SNTG1: variants seen among roughly 807,000 people sequenced by gnomAD.
SNTG1 encodes the protein gamma-1-syntrophin.
A neutral mutation model predicts 74.7 loss-of-function variants in SNTG1; 39 were observed. The observed-to-expected ratio is 0.52, with a 90% CI of 0.40 to 0.68. The LOEUF (loss-of-function observed/expected upper bound fraction) is 0.68, where lower values mean the gene tolerates loss of function less well. Ranked by LOEUF, SNTG1 falls within the 30% of genes least tolerant of loss-of-function variation. The pLI is 0.00. For synonymous variants in SNTG1, 254 were observed against 217.1 expected, an observed-to-expected ratio of 1.17 and a Z score of -1.49; for missense variants, 685 against 609.5, an observed-to-expected ratio of 1.12 and a Z score of -1.30.
At chr8:50,269,574 C>A (rs940148582) in intron 2 of SNTG1, among the ~76,000 whole-genome samples, 1 of 152,052 alleles carries the variant, frequency 6.6e-6, no homozygotes, top group African/African-American at 2.4e-5. Flanking sequence ...TATGTGCCAG[C>A]AAAATTGCGT....
intron 1 of SNTG1, among the ~76,000 whole-genome samples, chr8:50,003,759 A>G: frequency 6.6e-6 from 1 of 152,106 alleles, no homozygotes; most frequent in East Asian, 1.9e-4. Context: ...CTCTAGGGGG[A>G]ATAAAAATGA....
intron 8 of SNTG1, among the ~76,000 whole-genome samples, chr8:50,468,478 G>A (rs913597035): frequency 4.6e-5 from 7 of 152,026 alleles, no homozygotes; most frequent in African/African-American, 1.4e-4. Context: ...CTTCATTAAT[G>A]TTAGCAAAGT....
chr8:50,762,651 T>C (rs2095602294), intron 18 of SNTG1: 2 of 457,478 alleles, frequency 4.4e-6, no homozygotes, highest in Non-Finnish European at 4.4e-6. Context: ...TTAGCATCTG[T>C]GTAAGAGAAT....
At position 50,372,924 on chromosome 8, in the gene SNTG1, A is replaced by G. The variant is rs1423561446; in HGVS notation, c.-27-21288A>G. Among the ~76,000 whole-genome samples, 3 of 152,222 alleles carry G rather than the reference A, an allele frequency of 2.0e-5. No individual in the cohort carries two copies. In the East Asian group the frequency reaches 5.8e-4, roughly 29 times the overall value. Reference sequence around the variant, plus strand: ...GTTTCCAAGAGACAGTTGGTAAACAAAACACCTGCTTTAGAAGTTATCTGT... The same window carrying G: ...GTTTCCAAGAGACAGTTGGTAAACAGAACACCTGCTTTAGAAGTTATCTGT... On this transcript the variant is annotated intron_variant, in intron 2 of 18. Coordinates refer to ENST00000642720, the MANE Select transcript of SNTG1 (RefSeq NM_018967.5).
At position 50,690,444 on chromosome 8, in the gene SNTG1, T is replaced by A. The variant is rs180884176; in HGVS notation, c.1039-14156T>A. On this transcript the variant is annotated intron_variant, in intron 15 of 18. Coordinates refer to ENST00000642720, the MANE Select transcript of SNTG1 (RefSeq NM_018967.5). ...ATGTGTCCCAGAGTTTCTGGTATGT[T>A]GTGTCTTTGTTCTCGTTGCTTTCAA... 9.8e-5 allele frequency among the ~76,000 whole-genome samples: 15 copies of A among 152,308 alleles called. No individual in the cohort carries two copies. The East Asian group carries it at 1.9e-3, about 20-fold the overall frequency.
At chr8:50,438,908 G>T (rs1587632395) in intron 5 of SNTG1, among the ~76,000 whole-genome samples, 1 of 152,140 alleles carries the variant, frequency 6.6e-6, no homozygotes, top group East Asian at 1.9e-4. Flanking sequence ...TAACCAACTG[G>T]AGTAGGAAAT....
chr8:50,764,039 A>G (rs374030962), intron 18 of SNTG1, among the ~76,000 whole-genome samples: 2 of 151,530 alleles, frequency 1.3e-5, no homozygotes, highest in Admixed American at 6.6e-5. Flanking sequence ...ATTATGATCA[A>G]TTGATTTTTA....
At chr8:50,303,575 C>A (rs1326512988) in intron 2 of SNTG1, among the ~76,000 whole-genome samples, 1 of 151,952 alleles carries the variant, frequency 6.6e-6, no homozygotes, top group Non-Finnish European at 1.5e-5. Flanking sequence ...CATATTACAT[C>A]TTCTAGAAAT....
intron 8 of SNTG1, among the ~76,000 whole-genome samples, chr8:50,496,539 A>T (rs2093906004): frequency 1.3e-5 from 2 of 152,218 alleles, no homozygotes; most frequent in Non-Finnish European, 2.9e-5. Context: ...CTCCAAGAGG[A>T]AACCAGAAAG....
At chr8:50,457,812 A>G (rs1563413865) in intron 8 of SNTG1, 1 of 152,194 alleles carries the variant, frequency 6.6e-6, no homozygotes, top group Non-Finnish European at 1.5e-5. Flanking sequence ...ATCGAATTAG[A>G]GTTCAAGAGG....
chr8:50,404,278 T>A (rs1282195748), intron 4 of SNTG1, among the ~76,000 whole-genome samples: 1 of 152,138 alleles, frequency 6.6e-6, no homozygotes, highest in Admixed American at 6.5e-5. Flanking sequence ...AATTAAAAGA[T>A]ATAAACAAAT....
In SNTG1 at chr8:50,611,220, G is replaced by A. The variant is rs151122627; in HGVS notation, c.849+20303G>A. 1.7e-3 allele frequency among the ~76,000 whole-genome samples: 254 copies of A among 152,260 alleles called. 1 individual carries two copies. Among genetic ancestry groups the A allele is most frequent in the Admixed American group, 0.012 (190 of 15,288 alleles). On this transcript the variant is annotated intron_variant, in intron 13 of 18. Coordinates refer to ENST00000642720, the MANE Select transcript of SNTG1 (RefSeq NM_018967.5). ...TCCTGTTCCAACCTTAGCAGTCTCT[G>A]CAGGGACAGAGTTAGAAAATATACA...
chr8:50,348,204 A>G (rs1179568483), intron 2 of SNTG1, among the ~76,000 whole-genome samples: 2 of 152,200 alleles, frequency 1.3e-5, no homozygotes, highest in Non-Finnish European at 2.9e-5. Context: ...ATAGCAACTC[A>G]GAGAACCCAG....
At chr8:50,549,771 T>C (rs2094412958) in intron 11 of SNTG1, among the ~76,000 whole-genome samples, 1 of 152,166 alleles carries the variant, frequency 6.6e-6, no homozygotes, top group Admixed American at 6.6e-5. Context: ...TTGGATTAAT[T>C]ATCTCCTCTC....
At chr8:50,722,681 G>C (rs2095490648) in intron 17 of SNTG1, among the ~76,000 whole-genome samples, 1 of 152,002 alleles carries the variant, frequency 6.6e-6, no homozygotes, top group Admixed American at 6.6e-5. Flanking sequence ...CACATACATG[G>C]CTTTTGCCAT....
At chr8:50,734,811 ATC>A (rs2095522571) in intron 17 of SNTG1, among the ~76,000 whole-genome samples, 2 of 94,714 alleles carry the variant, frequency 2.1e-5, no homozygotes, top group South Asian at 3.6e-4. Context: ...ATATATAGAT[ATC>A]TATATATATG....
chr8:50,391,545 G>C (rs888867384), intron 2 of SNTG1, among the ~76,000 whole-genome samples: 13 of 152,030 alleles, frequency 8.6e-5, no homozygotes, highest in Non-Finnish European at 1.8e-4. Context: ...TTTTTGTTGT[G>C]TCTCTGCCAG....
chr8:50,661,261 T>G (rs1026690408), intron 15 of SNTG1, among the ~76,000 whole-genome samples: 1 of 152,180 alleles, frequency 6.6e-6, no homozygotes. Context: ...TAATAATATG[T>G]AGGAAGGACT....
chr8:50,212,772 G>A (rs1350607286), intron 2 of SNTG1, among the ~76,000 whole-genome samples: 1 of 152,160 alleles, frequency 6.6e-6, no homozygotes, highest in Non-Finnish European at 1.5e-5. Flanking sequence ...ATCAGACACA[G>A]TTTTGTCCAT....
Sources: gnomAD v4.1 joint callset for allele counts (sites outside exome capture counted in the v4.1 genomes callset) on GRCh38, gnomAD v4.1.1 for gene constraint, MANE v1.5 for transcripts, NCBI Gene and HGNC (gene_info 2026-07-23, HGNC 2026-07-21) for gene names.